The following PIRT variants were observed in gnomAD, a reference collection of about 807,000 sequenced individuals.
PIRT encodes phosphoinositide-interacting protein.
Under a neutral mutation model 7.9 loss-of-function variants are expected in PIRT, and 6 were observed. That is an observed-to-expected ratio of 0.76 (90% CI 0.42 to 1.51). The LOEUF (loss-of-function observed/expected upper bound fraction) is 1.51. PIRT is among the 40% of genes most tolerant of loss of function. The pLI is 0.01. For synonymous variants in PIRT, 78 were observed against 71.8 expected (o/e 1.09, Z -0.44); for missense variants, 170 against 172.9 (o/e 0.98, Z 0.09).
At chr17:10,831,750 T>A (rs1905467067) in intron 1 of PIRT, among the ~76,000 whole-genome samples, 1 of 152,250 alleles carries the variant, frequency 6.6e-6, no homozygotes, top group Non-Finnish European at 1.5e-5. Context: ...AAGGTCCTGA[T>A]GCCCCAGACT....
intron 1 of PIRT, among the ~76,000 whole-genome samples, chr17:10,827,123 AC>A (rs1905340257): frequency 6.6e-6 from 1 of 152,086 alleles, no homozygotes; most frequent in African/African-American, 2.4e-5. Context: ...CCACAGTGCA[AC>A]CTTCTAAGAT....
At position 10,827,471 on chromosome 17, in the gene PIRT, T is replaced by TTTC. The variant is rs1471749461; in HGVS notation, c.-138-1689_-138-1688insGAA. ...TTTTCTTTCTTTTTCTTTTCTTTTT[T>TTTC]TTTTTTTTTTTTTTTTTTTTGAAGT... On this transcript the variant is annotated intron_variant, in intron 1 of 1. Coordinates refer to ENST00000580256, the MANE Select transcript of PIRT (RefSeq NM_001101387.2). Among the ~76,000 whole-genome samples, 39 of 115,132 alleles carry TTTC rather than the reference T, an allele frequency of 3.4e-4. 1 individual carries two copies. Among genetic ancestry groups the TTTC allele is most frequent in the African/African-American group, 1.4e-3 (32 of 22,742 alleles). The allele number at this position is 115,132 out of a possible 152,430, so 75.5% of individuals were successfully genotyped here.
rs530110115 is a variant in PIRT at position 10,823,940 on chromosome 17, T to C, written c.*1292A>G. On this transcript the variant is annotated 3_prime_UTR_variant, in exon 2 of 2. Coordinates refer to ENST00000580256, the MANE Select transcript of PIRT (RefSeq NM_001101387.2). ...TTTCCTAATTCCATCATGCTTCTCC[T>C]TCCCCAAGCTACTCCTGCACACGCA... The C allele has an allele frequency of 8.0e-4, 122 of 152,388 alleles. No homozygotes were observed. Among genetic ancestry groups the C allele is most frequent in the African/African-American group, 2.8e-3 (117 of 41,594 alleles). The allele number at this position is 152,388 out of a possible 1,614,324, so 9.4% of individuals were successfully genotyped here. A position where few individuals can be genotyped will look rare whatever the true frequency, so the allele number is the denominator to read the frequency against.
In PIRT at chr17:10,827,465, C is replaced by CTTTTTTTTTTTTTTTTTTTTTTTT. The variant is rs546105685; in HGVS notation, c.-138-1706_-138-1683dup. 2.5e-3 allele frequency among the ~76,000 whole-genome samples: 138 copies of CTTTTTTTTTTTTTTTTTTTTTTTT among 56,308 alleles called. 8 individuals carry two copies. Among genetic ancestry groups the CTTTTTTTTTTTTTTTTTTTTTTTT allele is most frequent in the Non-Finnish European group, 3.2e-3 (102 of 31,628 alleles). 36.9% of individuals were successfully genotyped at this position (56,308 alleles called of 152,430 possible). A position where few individuals can be genotyped will look rare whatever the true frequency, so the allele number is the denominator to read the frequency against. On this transcript the variant is annotated intron_variant, in intron 1 of 1. Transcript: ENST00000580256. ...TCTTTCTTTTCTTTCTTTTTCTTTTCTTTTTTTTTTTTTTTTTTTTTTTTT... is the reference window on the plus strand; with the variant it reads ...TCTTTCTTTTCTTTCTTTTTCTTTTCTTTTTTTTTTTTTTTTTTTTTTTTTTTTTTTTTTTTTTTTTTTTTTTTT...
intron 1 of PIRT, among the ~76,000 whole-genome samples, chr17:10,834,968 T>C (rs994012418): frequency 1.3e-5 from 2 of 151,972 alleles, no homozygotes; most frequent in Non-Finnish European, 2.9e-5. Flanking sequence ...CTGGTCCTGT[T>C]CCTTCCCACC....
At chr17:10,837,056 A>G (rs1321567872) in intron 1 of PIRT, among the ~76,000 whole-genome samples, 1 of 152,126 alleles carries the variant, frequency 6.6e-6, no homozygotes, top group African/African-American at 2.4e-5. Context: ...TAGAAGCTAG[A>G]GGGTTTCTGA....
chr17:10,835,532 C>T lies in PIRT; in HGVS notation c.-139+2413G>A, dbSNP rs140652579. 2.2e-4 allele frequency among the ~76,000 whole-genome samples: 33 copies of T among 152,298 alleles called. No individual in the cohort carries two copies. In the East Asian group the frequency reaches 5.2e-3, roughly 24 times the overall value. On this transcript the variant is annotated intron_variant, in intron 1 of 1. Transcript: ENST00000580256. ...AAGTCTATTCCGCCCCTCCTTGGGG[C>T]GGTTTTAACGTTTATTTTCAAATTA...
At chr17:10,827,465 C>CTTTTCTTTTTTTTTTTTTT (rs1905353956) in intron 1 of PIRT, among the ~76,000 whole-genome samples, 1 of 56,300 alleles carries the variant, frequency 1.8e-5, no homozygotes, top group African/African-American at 7.5e-5. Flanking sequence ...TTTTTCTTTT[C>CTTTTCTTTTTTTTTTTTTT]TTTTTTTTTT....
Position 10,824,712 on chromosome 17 carries a change from A to C in PIRT, c.*520T>G. 1 of 156,248 alleles carries C rather than the reference A, an allele frequency of 6.4e-6. No homozygotes were observed. Among genetic ancestry groups the C allele is most frequent in the Non-Finnish European group, 1.4e-5 (1 of 70,406 alleles). 9.7% of individuals were successfully genotyped at this position (156,248 alleles called of 1,614,324 possible). On this transcript the variant is annotated 3_prime_UTR_variant, in exon 2 of 2. Coordinates refer to ENST00000580256, the MANE Select transcript of PIRT (RefSeq NM_001101387.2). The stretch of plus-strand genomic sequence containing the variant: ...TTGTTCAGTCTTTGGAATGTTTGAT[A>C]CTTGTGATCTTGAAAGTCTGCTAAG...
At position 10,824,675 on chromosome 17, in the gene PIRT, G is replaced by A. The variant is rs1298814239; in HGVS notation, c.*557C>T. ...GCCATCTTGGAGAGTATTTTTCCCA[G>A]GCCTCCCTTCATTGTTCAGTCTTTG... On this transcript the variant is annotated 3_prime_UTR_variant, in exon 2 of 2. Transcript: ENST00000580256. The A allele has an allele frequency of 6.5e-6, 1 of 153,874 alleles. No individual in the cohort carries two copies. Among genetic ancestry groups the A allele is most frequent in the African/African-American group, 2.4e-5 (1 of 41,412 alleles). 9.5% of individuals were successfully genotyped at this position (153,874 alleles called of 1,614,324 possible).
intron 1 of PIRT, among the ~76,000 whole-genome samples, chr17:10,827,421 C>A (rs60791400): frequency 0.025 from 3,702 of 148,754 alleles, 156 homozygotes; most frequent in African/African-American, 0.085. Context: ...AAATTCTTTT[C>A]ATGTCCGATT....
At chr17:10,837,317 A>C (rs1482898655) in intron 1 of PIRT, among the ~76,000 whole-genome samples, 1 of 152,216 alleles carries the variant, frequency 6.6e-6, no homozygotes, top group Non-Finnish European at 1.5e-5. Flanking sequence ...TGCCTGACTG[A>C]GCCACGTCTT....
intron 1 of PIRT, among the ~76,000 whole-genome samples, chr17:10,836,002 A>G (rs1905581656): frequency 6.6e-6 from 1 of 151,408 alleles, no homozygotes. Context: ...TCCCAGGTTC[A>G]AGCTATTCTC....
Position 10,827,428 on chromosome 17 carries a change from G to T in PIRT, c.-138-1645C>A, listed in dbSNP as rs560859261. On this transcript the variant is annotated intron_variant, in intron 1 of 1. Transcript: ENST00000580256. The stretch of plus-strand genomic sequence containing the variant: ...GCTTTCTCAAATTCTTTTCATGTCC[G>T]ATTAAAGCATTTCTTTCTTTTCTTT... 2.2e-5 allele frequency among the ~76,000 whole-genome samples: 3 copies of T among 138,226 alleles called. No individual in the cohort carries two copies. In the Admixed American group the frequency reaches 2.2e-4, roughly 10 times the overall value. The allele number at this position is 138,226 out of a possible 152,430, so 90.7% of individuals were successfully genotyped here.
chr17:10,828,156 G>A (rs1905379043), intron 1 of PIRT, among the ~76,000 whole-genome samples: 1 of 152,132 alleles, frequency 6.6e-6, no homozygotes. Context: ...TCTAGCAGGA[G>A]CCTGGTGCCT....
chr17:10,834,992 A>G (rs1905553580), intron 1 of PIRT, among the ~76,000 whole-genome samples: 1 of 151,650 alleles, frequency 6.6e-6, no homozygotes, highest in Non-Finnish European at 1.5e-5. Context: ...TGGTTGTAAA[A>G]ATCTCCCTTT....
At chr17:10,829,969 ATCT>A (rs1905424372) in intron 1 of PIRT, among the ~76,000 whole-genome samples, 2 of 45,564 alleles carry the variant, frequency 4.4e-5, no homozygotes, top group Non-Finnish European at 9.9e-5. Context: ...CTGTCTGTCT[ATCT>A]ATCTATCTAT....
Position 10,824,872 on chromosome 17 carries a change from C to T in PIRT, c.*360G>A, listed in dbSNP as rs1356321780. 4.1e-6 allele frequency: 1 copy of T among 241,088 alleles called. No homozygotes were observed. The highest frequency in any genetic ancestry group is 9.3e-5 in the East Asian group (1 of 10,750). 14.9% of individuals were successfully genotyped at this position (241,088 alleles called of 1,614,324 possible). On this transcript the variant is annotated 3_prime_UTR_variant, in exon 2 of 2. Transcript: ENST00000580256. Reference sequence around the variant, plus strand: ...CAGCTCTGGCACTCAGATATGTAAACATGAGGTTCTCCCTTGGGCATAGCC... The same window carrying T: ...CAGCTCTGGCACTCAGATATGTAAATATGAGGTTCTCCCTTGGGCATAGCC...
chr17:10,825,031 G>A lies in PIRT; in HGVS notation c.*201C>T, dbSNP rs1905278404. 5 of 686,272 alleles carry A rather than the reference G, an allele frequency of 7.3e-6. No individual in the cohort carries two copies. The highest frequency in any genetic ancestry group is 1.2e-5 in the Non-Finnish European group (5 of 418,426). The allele number at this position is 686,272 out of a possible 1,614,324, so 42.5% of individuals were successfully genotyped here. ...CCGGGATCCAAGGAAGCATCAGTCA[G>A]AATAGAGATCAAGTGGATACATCTG... On this transcript the variant is annotated 3_prime_UTR_variant, in exon 2 of 2. Transcript: ENST00000580256.
Sources: gnomAD v4.1 joint callset for allele counts (sites outside exome capture counted in the v4.1 genomes callset) on GRCh38, gnomAD v4.1.1 for gene constraint, MANE v1.5 for transcripts, NCBI Gene and HGNC (gene_info 2026-07-23, HGNC 2026-07-21) for gene names.